NAV2: variants seen among roughly 807,000 people sequenced by gnomAD.
NAV2 encodes the protein neuron navigator 2.
Under a neutral mutation model 223.2 loss-of-function variants are expected in NAV2, and 54 were observed. The observed-to-expected ratio is 0.24, with a 90% CI of 0.19 to 0.30. NAV2 has a LOEUF of 0.30. NAV2 is among the 10% of genes least tolerant of loss of function. The pLI is 1.00. For missense variants in NAV2, 2,806 were observed against 3,147.5 expected (o/e 0.89, Z 2.60); for synonymous variants, 1,279 against 1,239.3 (o/e 1.03, Z -0.67).
At chr11:19,643,147 T>G (rs1385530031) in intron 1 of NAV2, among the ~76,000 whole-genome samples, 2 of 152,130 alleles carry the variant, frequency 1.3e-5, no homozygotes, top group Admixed American at 1.3e-4. Context: ...ACAGGATGGA[T>G]GTATTTGCTC....
intron 1 of NAV2, among the ~76,000 whole-genome samples, chr11:19,408,819 C>CA (rs779832905): frequency 1.6e-5 from 2 of 122,302 alleles, no homozygotes; most frequent in Non-Finnish European, 3.7e-5. Flanking sequence ...TTTTTTCTGG[C>CA]GGGGTGGGGG....
At chr11:19,968,732 G>T (rs1442527043) in intron 10 of NAV2, among the ~76,000 whole-genome samples, 3 of 152,200 alleles carry the variant, frequency 2.0e-5, no homozygotes, top group Non-Finnish European at 4.4e-5. Context: ...AGCAGTATCA[G>T]TCACTATGAC....
chr11:19,867,634 A>AC (rs11422664), intron 3 of NAV2, among the ~76,000 whole-genome samples: 137,339 of 152,252 alleles, frequency 0.9, 62,010 homozygotes, highest in East Asian at 1. Flanking sequence ...CCAGATGAGG[A>AC]CCTTGAAGTG....
At chr11:19,787,870 T>C (rs958905691) in intron 1 of NAV2, among the ~76,000 whole-genome samples, 6 of 152,128 alleles carry the variant, frequency 3.9e-5, no homozygotes, top group African/African-American at 1.4e-4. Flanking sequence ...TTTTATGAAA[T>C]TTCTTTCATA....
intron 10 of NAV2, among the ~76,000 whole-genome samples, chr11:19,965,678 G>C (rs1238037443): frequency 8.5e-5 from 13 of 152,168 alleles, no homozygotes; most frequent in Non-Finnish European, 1.8e-4. Context: ...TTCCTCAGTG[G>C]CTCTTCACTG....
In NAV2 at chr11:19,713,516, A is replaced by T; in HGVS notation, c.-180A>T. ...CCCCCATTCCCATCCCGGCACCCCAAAGGCGCGCTCGCCCGATTGCTTCGA... is the reference window on the plus strand; with the variant it reads ...CCCCCATTCCCATCCCGGCACCCCATAGGCGCGCTCGCCCGATTGCTTCGA... On this transcript the variant is annotated 5_prime_UTR_variant, in exon 1 of 38. Coordinates refer to ENST00000349880, the MANE Select transcript of NAV2 (RefSeq NM_145117.5). The surrounding 1 kb of genome is among the most constrained non-coding windows in gnomAD (Gnocchi z 7.2). The T allele has an allele frequency of 7.2e-7, 1 of 1,390,904 alleles. No individual in the cohort carries two copies. The highest frequency in any genetic ancestry group is 9.3e-7 in the Non-Finnish European group (1 of 1,078,008). 86.2% of individuals were successfully genotyped at this position (1,390,904 alleles called of 1,614,324 possible). A position where few individuals can be genotyped will look rare whatever the true frequency, so the allele number is the denominator to read the frequency against.
intron 5 of NAV2, 40 bp downstream of exon 5, chr11:19,880,167 C>G: frequency 1.3e-6 from 2 of 1,510,932 alleles, no homozygotes; most frequent in Non-Finnish European, 1.8e-6. Flanking sequence ...GTTTTTCAGG[C>G]ACCTTCCTCC....
At chr11:19,980,465 T>C (rs2050198430) in intron 10 of NAV2, among the ~76,000 whole-genome samples, 1 of 152,214 alleles carries the variant, frequency 6.6e-6, no homozygotes, top group Non-Finnish European at 1.5e-5. Context: ...TTCCTTTGCT[T>C]GTGACCTCAG....
intron 9 of NAV2, among the ~76,000 whole-genome samples, chr11:19,947,476 G>T (rs1297584364): frequency 2.6e-5 from 4 of 152,182 alleles, no homozygotes; most frequent in Admixed American, 1.3e-4. Context: ...CTACCATTAG[G>T]TGTGAAACAT....
At chr11:19,898,506 C>T (rs916660976) in intron 6 of NAV2, among the ~76,000 whole-genome samples, 6 of 152,180 alleles carry the variant, frequency 3.9e-5, no homozygotes, top group Admixed American at 1.3e-4. Context: ...CAGCCTTTCT[C>T]GTTTGTGCAC....
At chr11:19,645,587 C>T (rs1472412965) in intron 1 of NAV2, among the ~76,000 whole-genome samples, 1 of 151,920 alleles carries the variant, frequency 6.6e-6, no homozygotes, top group East Asian at 1.9e-4. Flanking sequence ...CAACTAACAA[C>T]ATGTAGAGTT....
intron 6 of NAV2, among the ~76,000 whole-genome samples, chr11:19,924,276 T>C (rs576411490): frequency 1.3e-5 from 2 of 151,708 alleles, no homozygotes; most frequent in Admixed American, 1.3e-4. Flanking sequence ...GAAAACTACT[T>C]TGGAAAGGGG....
At chr11:19,802,999 A>C (rs1463151956) in intron 1 of NAV2, among the ~76,000 whole-genome samples, 1 of 152,118 alleles carries the variant, frequency 6.6e-6, no homozygotes, top group Non-Finnish European at 1.5e-5. Flanking sequence ...CAGGTTTGTC[A>C]TGTTCTTGCA....
intron 1 of NAV2, among the ~76,000 whole-genome samples, chr11:19,400,654 A>C (rs1478747420): frequency 6.6e-6 from 1 of 152,216 alleles, no homozygotes; most frequent in Non-Finnish European, 1.5e-5. Flanking sequence ...GGTAAGAATT[A>C]GAATTAGAAA....
intron 1 of NAV2, chr11:19,777,591 CT>C (rs1230154055): frequency 4.2e-5 from 19 of 452,200 alleles, no homozygotes; most frequent in Non-Finnish European, 6.7e-5. Context: ...CCCCCATCCC[CT>C]TTAGGAACTG....
chr11:19,989,442 C>A (rs749734331), intron 11 of NAV2, among the ~76,000 whole-genome samples: 2 of 152,128 alleles, frequency 1.3e-5, no homozygotes, highest in Non-Finnish European at 2.9e-5. Context: ...TGTAGCCCTG[C>A]ACATACCCAT....
At chr11:19,530,603 A>G (rs1590424196) in intron 1 of NAV2, among the ~76,000 whole-genome samples, 1 of 152,190 alleles carries the variant, frequency 6.6e-6, no homozygotes, top group African/African-American at 2.4e-5. Flanking sequence ...AAGCATGGAC[A>G]CCGCTGTGCT....
chr11:19,959,968 A>C lies in NAV2; in HGVS notation c.2645+10888A>C, dbSNP rs559085681. ...GCAGCATCAACAAAACACAGCCAGC[A>C]TTTGGGTGTTACTGAGACTGGCCCA... On this transcript the variant is annotated intron_variant, in intron 10 of 37. Transcript: ENST00000349880. 5.3e-5 allele frequency among the ~76,000 whole-genome samples: 8 copies of C among 152,280 alleles called. No individual in the cohort carries two copies. The East Asian group carries it at 1.5e-3, about 29-fold the overall frequency.
chr11:20,087,230 C>T (rs890432460), intron 26 of NAV2, among the ~76,000 whole-genome samples: 11 of 152,154 alleles, frequency 7.2e-5, no homozygotes, highest in Admixed American at 2.0e-4. Flanking sequence ...GTGATGCACT[C>T]AGCTGTGCAG....
Sources: allele counts gnomAD v4.1 joint callset (sites outside exome capture counted in the v4.1 genomes callset), GRCh38; gene constraint gnomAD v4.1.1; non-coding constraint Gnocchi (gnomAD v3.1); transcripts MANE v1.5; gene names NCBI Gene and HGNC (gene_info 2026-07-23, HGNC 2026-07-21).